FGD4: variants seen among roughly 807,000 people sequenced by gnomAD.
FGD4 encodes FYVE, RhoGEF and PH domain containing 4.
In FGD4, 42 loss-of-function variants were observed where a neutral mutation model predicts 102.0. That is an observed-to-expected ratio of 0.41 (90% CI 0.32 to 0.53). The LOEUF (loss-of-function observed/expected upper bound fraction) is 0.53, where lower values mean the gene tolerates loss of function less well. Ranked by LOEUF, FGD4 falls within the 20% of genes least tolerant of loss-of-function variation. The pLI is 0.21. For synonymous variants in FGD4, 380 were observed against 375.7 expected, an observed-to-expected ratio of 1.01 and a Z score of -0.13; for missense variants, 902 against 1,078.2, an observed-to-expected ratio of 0.84 and a Z score of 2.29.
At chr12:32,452,944 T>C (rs1319360315) in intron 1 of FGD4, among the ~76,000 whole-genome samples, 1 of 151,728 alleles carries the variant, frequency 6.6e-6, no homozygotes, top group East Asian at 1.9e-4. Context: ...GCAGTGATTG[T>C]GCCACTGCAC....
intron 1 of FGD4, among the ~76,000 whole-genome samples, chr12:32,553,575 T>C (rs923709682): frequency 6.6e-6 from 1 of 152,152 alleles, no homozygotes; most frequent in Non-Finnish European, 1.5e-5. Context: ...TTTTACACTT[T>C]GTATTTGTGC....
intron 1 of FGD4, among the ~76,000 whole-genome samples, chr12:32,421,557 C>T (rs1941626230): frequency 6.6e-6 from 1 of 152,154 alleles, no homozygotes; most frequent in Non-Finnish European, 1.5e-5. Context: ...TATCTTGTAG[C>T]TTTCTCTATC....
Position 32,399,593 on chromosome 12 carries a change from G to T in FGD4, c.-201G>T. ...AGACGCTGCGACTGCCGCAGGAGTC[G>T]CCGCAGCCAAACTCGCCGCGACGCC... On this transcript the variant is annotated 5_prime_UTR_variant, in exon 1 of 17. Coordinates refer to ENST00000534526, the MANE Select transcript of FGD4 (RefSeq NM_001370298.3). 5 of 1,335,154 alleles carry T rather than the reference G, an allele frequency of 3.7e-6. No homozygotes were observed. Among genetic ancestry groups the T allele is most frequent in the Non-Finnish European group, 4.9e-6 (5 of 1,025,716 alleles). 82.7% of individuals were successfully genotyped at this position (1,335,154 alleles called of 1,614,324 possible). A position where few individuals can be genotyped will look rare whatever the true frequency, so the allele number is the denominator to read the frequency against.
chr12:32,547,983 G>A (rs919716785), intron 1 of FGD4, among the ~76,000 whole-genome samples: 40 of 152,300 alleles, frequency 2.6e-4, no homozygotes, highest in African/African-American at 9.6e-4. Flanking sequence ...TAGGATTACA[G>A]GGATGAGCCA....
At chr12:32,453,932 T>A (rs1348664120) in intron 1 of FGD4, among the ~76,000 whole-genome samples, 2 of 152,204 alleles carry the variant, frequency 1.3e-5, no homozygotes, top group African/African-American at 4.8e-5. Flanking sequence ...GTGTTATTTA[T>A]TTCCTTCTCA....
intron 1 of FGD4, among the ~76,000 whole-genome samples, chr12:32,456,941 T>A (rs1942962689): frequency 6.6e-6 from 1 of 152,184 alleles, no homozygotes; most frequent in South Asian, 2.1e-4. Flanking sequence ...GCTTTTTCTG[T>A]AAATGCTTAT....
At chr12:32,500,328 C>G (rs1938099854) in intron 1 of FGD4, among the ~76,000 whole-genome samples, 1 of 152,092 alleles carries the variant, frequency 6.6e-6, no homozygotes, top group Non-Finnish European at 1.5e-5. Flanking sequence ...GACCAGTAAA[C>G]AGTACTTGTT....
Position 32,643,228 on chromosome 12 carries a change from G to C in FGD4, c.*2695G>C, listed in dbSNP as rs747272162. The C allele has an allele frequency of 5.3e-5, 8 of 152,288 alleles. No homozygotes were observed. The highest frequency in any genetic ancestry group is 1.3e-4 in the Admixed American group (2 of 15,234). The allele number at this position is 152,288 out of a possible 1,614,324, so 9.4% of individuals were successfully genotyped here. A position where few individuals can be genotyped will look rare whatever the true frequency, so the allele number is the denominator to read the frequency against. On this transcript the variant is annotated 3_prime_UTR_variant, in exon 17 of 17. Transcript: ENST00000534526. ...CAGACTTTTATCTTGGTTTTAAGTGGGGCTCAATAAAAAACACCAGCCACT... is the reference window on the plus strand; with the variant it reads ...CAGACTTTTATCTTGGTTTTAAGTGCGGCTCAATAAAAAACACCAGCCACT...
intron 1 of FGD4, among the ~76,000 whole-genome samples, chr12:32,411,440 A>C (rs1941203328): frequency 6.6e-6 from 1 of 151,976 alleles, no homozygotes. Context: ...AGGCTGAGGC[A>C]GGAGAATTGC....
intron 1 of FGD4, among the ~76,000 whole-genome samples, chr12:32,553,926 C>T (rs1943895659): frequency 6.6e-6 from 1 of 152,030 alleles, no homozygotes; most frequent in South Asian, 2.1e-4. Context: ...GCAACAGAAA[C>T]CCCAATTTTT....
chr12:32,615,396 A>C (rs144581012), intron 10 of FGD4, among the ~76,000 whole-genome samples: 1 of 152,218 alleles, frequency 6.6e-6, no homozygotes, highest in African/African-American at 2.4e-5. Flanking sequence ...ATTTACAACT[A>C]TCCTAAAAAC....
At chr12:32,533,434 G>A (rs1171362711) in intron 1 of FGD4, among the ~76,000 whole-genome samples, 2 of 152,080 alleles carry the variant, frequency 1.3e-5, no homozygotes, top group Non-Finnish European at 2.9e-5. Context: ...TTGTTTGTTT[G>A]TTTGTTTTTG....
intron 4 of FGD4, among the ~76,000 whole-genome samples, chr12:32,587,569 T>G (rs1410233824): frequency 6.6e-6 from 1 of 151,962 alleles, no homozygotes; most frequent in Non-Finnish European, 1.5e-5. Context: ...TTTTGTATTT[T>G]TTGTAGAGAT....
intron 2 of FGD4, among the ~76,000 whole-genome samples, chr12:32,571,079 A>AGCTGTGTGTTACTTT (rs1316540401): frequency 6.6e-6 from 1 of 152,218 alleles, no homozygotes; most frequent in East Asian, 1.9e-4. Context: ...TTCTCAAAGT[A>AGCTGTGTGTTACTTT]GCTGTGTGTT....
intron 1 of FGD4, among the ~76,000 whole-genome samples, chr12:32,547,879 A>AC (rs1300138611): frequency 6.6e-6 from 1 of 151,854 alleles, no homozygotes; most frequent in East Asian, 1.9e-4. Context: ...GCTAATTTTT[A>AC]TTTTTTAGTA....
At chr12:32,470,378 A>G (rs991243578) in intron 1 of FGD4, among the ~76,000 whole-genome samples, 1 of 152,126 alleles carries the variant, frequency 6.6e-6, no homozygotes, top group Non-Finnish European at 1.5e-5. Context: ...TTGATGCCGA[A>G]GTATTCTCTC....
chr12:32,473,807 A>G (rs1043998577), intron 1 of FGD4, among the ~76,000 whole-genome samples: 6 of 151,972 alleles, frequency 3.9e-5, no homozygotes, highest in African/African-American at 1.5e-4. Context: ...GGAGCTGTGG[A>G]CCGGGCGCGG....
At chr12:32,463,694 G>C (rs1943172670) in intron 1 of FGD4, among the ~76,000 whole-genome samples, 1 of 152,204 alleles carries the variant, frequency 6.6e-6, no homozygotes, top group Non-Finnish European at 1.5e-5. Flanking sequence ...TGGCAAACCT[G>C]AGGTTGCCCC....
intron 4 of FGD4, among the ~76,000 whole-genome samples, chr12:32,584,168 A>G (rs1946824250): frequency 1.3e-5 from 2 of 152,232 alleles, no homozygotes; most frequent in Non-Finnish European, 2.9e-5. Flanking sequence ...TGGATGGCAC[A>G]TGCTGTATGT....
Sources: allele counts gnomAD v4.1 joint callset (sites outside exome capture counted in the v4.1 genomes callset), GRCh38; gene constraint gnomAD v4.1.1; transcripts MANE v1.5; gene names NCBI Gene and HGNC (gene_info 2026-07-23, HGNC 2026-07-21).